Variants in LIPJ observed in about 807,000 individuals in gnomAD.
LIPJ encodes lipase family member J.
In LIPJ, 33 loss-of-function variants were observed where a neutral mutation model predicts 39.8. That is an observed-to-expected ratio of 0.83 (90% CI 0.63 to 1.11). The LOEUF (loss-of-function observed/expected upper bound fraction) is 1.11. LIPJ is among the 50% of genes least tolerant of loss of function. The pLI is 0.00. For missense variants in LIPJ, 422 were observed against 427.9 expected (o/e 0.99, Z 0.12); for synonymous variants, 128 against 139.2 (o/e 0.92, Z 0.57).
chr10:88,583,027 G>T, upstream of LIPJ: 2 of 1,592,798 alleles, frequency 1.3e-6, no homozygotes, highest in African/African-American at 1.4e-5. Flanking sequence ...TCAGCAGCCT[G>T]CCCGGCAGTC....
chr10:88,614,115 A>C, the LIPJ span, among the ~76,000 whole-genome samples: 4 of 151,836 alleles, frequency 2.6e-5, 1 homozygote, highest in Admixed American at 1.3e-4. Context: ...GAGGTAGTTT[A>C]AAAAATTTGA....
exon 4 of LIPJ, chr10:88,591,498 G>T: frequency 6.3e-7 from 1 of 1,593,248 alleles, no homozygotes; most frequent in South Asian, 1.1e-5. Flanking sequence ...TAAAAATCTA[G>T]GTAATATTCA....
At position 88,602,584 on chromosome 10, in the gene LIPJ, GGATGT is replaced by G; in HGVS notation, c.734_738del (p.Asp245ValfsTer30). The stretch of plus-strand genomic sequence containing the variant: ...TTTTTTTTACCCCTCAGAGTCGTTT[GGATGT>G]GTATTTTTCACACAACCCAGCAGGA... On this transcript the variant is annotated frameshift_variant, in exon 9 of 11. Transcript: ENST00000371939. LOFTEE classifies it high-confidence loss of function. The G allele has an allele frequency of 2.4e-6, 3 of 1,249,322 alleles. No homozygotes were observed. The highest frequency in any genetic ancestry group is 1.3e-5 in the South Asian group (1 of 77,838). The allele number at this position is 1,249,322 out of a possible 1,614,324, so 77.4% of individuals were successfully genotyped here.
the LIPJ span, among the ~76,000 whole-genome samples, chr10:88,616,455 C>T: frequency 6.6e-6 from 1 of 152,226 alleles, no homozygotes; most frequent in Non-Finnish European, 1.5e-5. Context: ...CCTCGGTGAA[C>T]AGGCTGTGCA....
intron 2 of LIPJ, among the ~76,000 whole-genome samples, chr10:88,588,207 A>C (rs1263671325): frequency 2.0e-5 from 3 of 151,866 alleles, no homozygotes; most frequent in Non-Finnish European, 2.9e-5. Context: ...ACTATGACAA[A>C]ATTATTTATC....
At chr10:88,619,141 C>T in the LIPJ span, among the ~76,000 whole-genome samples, 1 of 151,340 alleles carries the variant, frequency 6.6e-6, no homozygotes, top group Non-Finnish European at 1.5e-5. Context: ...CCGGGCAACC[C>T]GCTTGGGTCC....
At chr10:88,597,895 T>C (rs1851316334) in intron 8 of LIPJ, among the ~76,000 whole-genome samples, 1 of 151,928 alleles carries the variant, frequency 6.6e-6, no homozygotes, top group Admixed American at 6.6e-5. Flanking sequence ...CATTCTATGT[T>C]TTAGGTAGTA....
chr10:88,602,126 A>C (rs1369925694), intron 8 of LIPJ, among the ~76,000 whole-genome samples: 1 of 152,194 alleles, frequency 6.6e-6, no homozygotes. Context: ...CAACAAGCTA[A>C]GGTCTCAGAA....
chr10:88,618,489 C>T, the LIPJ span: 1 of 152,400 alleles, frequency 6.6e-6, no homozygotes, highest in Non-Finnish European at 1.5e-5. Flanking sequence ...CATAACCATG[C>T]TTATATATTA....
intron 4 of LIPJ, chr10:88,591,935 CAGTA>C (rs1414911734): frequency 6.6e-6 from 1 of 152,248 alleles, no homozygotes; most frequent in Non-Finnish European, 1.5e-5. Flanking sequence ...TTTATTCCAA[CAGTA>C]AGTATCATCA....
At chr10:88,589,852 G>T (rs1400276173) in intron 2 of LIPJ, among the ~76,000 whole-genome samples, 1 of 151,730 alleles carries the variant, frequency 6.6e-6, no homozygotes, top group Non-Finnish European at 1.5e-5. Context: ...TGTAGGCAGG[G>T]AAACTGATGA....
chr10:88,598,237 G>A (rs1394391100), intron 8 of LIPJ, among the ~76,000 whole-genome samples: 4 of 151,950 alleles, frequency 2.6e-5, no homozygotes, highest in Non-Finnish European at 5.9e-5. Flanking sequence ...TATTTGCTTA[G>A]AGCCAGTATG....
At chr10:88,584,770 T>C (rs1850851677), upstream of LIPJ, among the ~76,000 whole-genome samples, 1 of 152,110 alleles carries the variant, frequency 6.6e-6, no homozygotes. Flanking sequence ...GCTCATTTTG[T>C]GGGTGTGTAT....
the LIPJ span, among the ~76,000 whole-genome samples, chr10:88,615,652 CAGAA>C: frequency 6.6e-5 from 5 of 75,234 alleles, no homozygotes. Flanking sequence ...AAAAAAAAAA[CAGAA>C]AGAAATACCC....
At chr10:88,614,397 G>C in the LIPJ span, among the ~76,000 whole-genome samples, 1 of 151,936 alleles carries the variant, frequency 6.6e-6, no homozygotes, top group Non-Finnish European at 1.5e-5. Flanking sequence ...TCTCTACTTT[G>C]TACCTCTGTT....
intron 9 of LIPJ, among the ~76,000 whole-genome samples, 184 bp downstream of exon 9, chr10:88,602,831 C>T (rs1851540863): frequency 6.6e-6 from 1 of 152,158 alleles, no homozygotes; most frequent in Admixed American, 6.5e-5. Flanking sequence ...ATGGCTCAGG[C>T]CTATAATCCC....
intron 4 of LIPJ, chr10:88,592,303 TATA>T (rs1851106440): frequency 6.6e-6 from 1 of 151,910 alleles, no homozygotes; most frequent in Admixed American, 6.6e-5. Context: ...ATAGATTTTA[TATA>T]ATAATAGTAA....
At chr10:88,619,342 T>G in the LIPJ span, among the ~76,000 whole-genome samples, 2 of 151,986 alleles carry the variant, frequency 1.3e-5, no homozygotes, top group East Asian at 3.9e-4. Flanking sequence ...TATCTAAAGT[T>G]TTTTTTCTTC....
intron 9 of LIPJ, 122 bp from the exon 10 acceptor site, chr10:88,605,511 C>T: frequency 1.4e-6 from 1 of 698,830 alleles, no homozygotes; most frequent in African/African-American, 1.8e-5. Context: ...ACGAAGAAGC[C>T]CACCTGCATA....
Sources: gnomAD v4.1 joint callset for allele counts (sites outside exome capture counted in the v4.1 genomes callset) on GRCh38, gnomAD v4.1.1 for gene constraint, MANE v1.5 for transcripts, NCBI Gene and HGNC (gene_info 2026-07-23, HGNC 2026-07-21) for gene names.